GPHN: variants seen among roughly 807,000 people sequenced by gnomAD.
The protein encoded by GPHN is gephyrin.
Under a neutral mutation model 95.5 loss-of-function variants are expected in GPHN, and 17 were observed. The ratio of observed to expected loss-of-function variants is 0.18; its 90% CI spans 0.12 to 0.27. GPHN has a LOEUF of 0.27. Among genes scored for constraint, GPHN ranks in the 10% least tolerant of loss-of-function variants. The probability of loss-of-function intolerance (pLI) is 1.00; values close to 1 mark genes in which losing one functional copy is unlikely to be tolerated. For missense variants in GPHN, 660 were observed against 978.1 expected, an observed-to-expected ratio of 0.67 and a Z score of 4.34; for synonymous variants, 320 against 322.5, an observed-to-expected ratio of 0.99 and a Z score of 0.08.
chr14:67,321,436 C>G, the GPHN span, among the ~76,000 whole-genome samples: 1 of 152,134 alleles, frequency 6.6e-6, no homozygotes, highest in Non-Finnish European at 1.5e-5. Context: ...TCAGTTTCCT[C>G]AGAGGGAAAA....
intron 1 of GPHN, among the ~76,000 whole-genome samples, chr14:66,641,726 A>G (rs758906069): frequency 2.6e-5 from 4 of 152,084 alleles, no homozygotes; most frequent in Non-Finnish European, 4.4e-5. Flanking sequence ...TTACAACTAT[A>G]TAACATTTCA....
At chr14:67,226,373 T>A in the GPHN span, among the ~76,000 whole-genome samples, 1 of 151,174 alleles carries the variant, frequency 6.6e-6, no homozygotes, top group Non-Finnish European at 1.5e-5. Context: ...TTTTGTTTTG[T>A]TTTTTTGAGA....
At chr14:67,497,454 T>C in the GPHN span, among the ~76,000 whole-genome samples, 106,151 of 151,848 alleles carry the variant, frequency 0.7, 38,155 homozygotes, top group Middle Eastern at 0.81. Flanking sequence ...CCGTCAGCAC[T>C]ATGGTAGGTG....
chr14:67,315,714 T>A, the GPHN span, among the ~76,000 whole-genome samples: 1 of 152,140 alleles, frequency 6.6e-6, no homozygotes, highest in Non-Finnish European at 1.5e-5. Context: ...CACCTGAGAT[T>A]AGGAGTTTAA....
chr14:66,993,033 C>T (rs942200790), intron 9 of GPHN, among the ~76,000 whole-genome samples: 7 of 151,994 alleles, frequency 4.6e-5, no homozygotes, highest in African/African-American at 9.7e-5. Context: ...GTCAAAATAA[C>T]GTTGACGTAG....
At chr14:67,011,430 C>CG (rs1178530106) in intron 9 of GPHN, among the ~76,000 whole-genome samples, 1 of 150,910 alleles carries the variant, frequency 6.6e-6, no homozygotes, top group Non-Finnish European at 1.5e-5. Flanking sequence ...AAAATTATCT[C>CG]GGGGGGATGT....
intron 1 of GPHN, among the ~76,000 whole-genome samples, chr14:66,572,887 G>A (rs1277738589): frequency 1.3e-5 from 2 of 152,122 alleles, no homozygotes; most frequent in Non-Finnish European, 2.9e-5. Context: ...GATGTTAGCT[G>A]CACACTTTTC....
At chr14:66,897,387 T>C (rs1486614895) in intron 5 of GPHN, among the ~76,000 whole-genome samples, 2 of 152,134 alleles carry the variant, frequency 1.3e-5, no homozygotes, top group Non-Finnish European at 2.9e-5. Context: ...ATGATAATTC[T>C]ATTTCTAGTT....
the GPHN span, among the ~76,000 whole-genome samples, chr14:67,319,057 C>CA: frequency 0.21 from 24,213 of 113,702 alleles, 3,552 homozygotes; most frequent in East Asian, 0.46. Context: ...GACTCCGTCT[C>CA]AAAAAAAAAA....
At chr14:66,615,473 CTTT>C (rs59401816) in intron 1 of GPHN, among the ~76,000 whole-genome samples, 14 of 135,924 alleles carry the variant, frequency 1.0e-4, no homozygotes, top group Non-Finnish European at 1.6e-4. Context: ...TGGTGTTGAG[CTTT>C]TTTTTTTTTT....
At chr14:67,371,579 G>T in the GPHN span, among the ~76,000 whole-genome samples, 126 of 152,256 alleles carry the variant, frequency 8.3e-4, no homozygotes, top group East Asian at 0.021. Flanking sequence ...AGGTTGTTTA[G>T]TATACTCTAT....
chr14:66,704,410 T>C (rs1300584564), intron 2 of GPHN, among the ~76,000 whole-genome samples: 2 of 151,900 alleles, frequency 1.3e-5, no homozygotes, highest in East Asian at 3.9e-4. Context: ...GCCACATAAT[T>C]GGAAGTAAAA....
chr14:66,643,488 TTA>T (rs1410956654), intron 1 of GPHN, among the ~76,000 whole-genome samples: 1 of 152,100 alleles, frequency 6.6e-6, no homozygotes, highest in Non-Finnish European at 1.5e-5. Context: ...AAATGTCTAC[TTA>T]TAGTAGAATG....
chr14:66,703,425 G>A (rs117696492), intron 2 of GPHN, among the ~76,000 whole-genome samples: 4 of 152,218 alleles, frequency 2.6e-5, no homozygotes, highest in African/African-American at 9.6e-5. Flanking sequence ...AAGGAAGCCC[G>A]TTGGAATAAT....
At chr14:66,943,505 T>C (rs2067545909) in intron 8 of GPHN, among the ~76,000 whole-genome samples, 1 of 152,226 alleles carries the variant, frequency 6.6e-6, no homozygotes, top group Non-Finnish European at 1.5e-5. Context: ...GTTTATAAAC[T>C]TAAAACATTT....
At chr14:67,662,880 G>T in the GPHN span, 1 of 1,179,010 alleles carries the variant, frequency 8.5e-7, no homozygotes, top group Non-Finnish European at 1.1e-6. Context: ...TCCAGCCTGG[G>T]CAATAGAGCA....
At chr14:67,425,139 C>T in the GPHN span, among the ~76,000 whole-genome samples, 1 of 152,134 alleles carries the variant, frequency 6.6e-6, no homozygotes, top group African/African-American at 2.4e-5. Context: ...GGCTGGAATG[C>T]AGTGCTGTGA....
At chr14:66,600,060 CCT>C (rs1481638364) in intron 1 of GPHN, among the ~76,000 whole-genome samples, 2 of 151,786 alleles carry the variant, frequency 1.3e-5, no homozygotes, top group Non-Finnish European at 2.9e-5. Flanking sequence ...GGCATGTACC[CCT>C]CTTTCAAATG....
In GPHN at chr14:66,946,683, G is replaced by T. The variant is rs539306981; in HGVS notation, c.829-18508G>T. Among the ~76,000 whole-genome samples, 4 of 152,242 alleles carry T rather than the reference G, an allele frequency of 2.6e-5. No individual in the cohort carries two copies. In the East Asian group the frequency reaches 5.8e-4, roughly 22 times the overall value. ...CTCCCAAAGTGCTCGGATTACAGAC[G>T]TGAGCCACTGTGCCCAGCTGAGAAA... On this transcript the variant is annotated intron_variant, in intron 8 of 22. Transcript: ENST00000478722.
Sources: gnomAD v4.1 joint callset for allele counts (sites outside exome capture counted in the v4.1 genomes callset) on GRCh38, gnomAD v4.1.1 for gene constraint, MANE v1.5 for transcripts, NCBI Gene and HGNC (gene_info 2026-07-23, HGNC 2026-07-21) for gene names.